The following C4orf50 variants were observed in gnomAD, a reference collection of about 807,000 sequenced individuals.
The protein encoded by C4orf50 is uncharacterized protein C4orf50.
In C4orf50, 80 loss-of-function variants were observed where a neutral mutation model predicts 77.2. The observed-to-expected ratio is 1.04, with a 90% confidence interval of 0.87 to 1.25. C4orf50 has a LOEUF of 1.25. C4orf50 is among the 50% of genes most tolerant of loss of function. C4orf50 has a pLI of 0.00. For synonymous variants in C4orf50, 532 were observed against 465.3 expected, an observed-to-expected ratio of 1.14 and a Z score of -1.84; for missense variants, 1,257 against 1,152.9, an observed-to-expected ratio of 1.09 and a Z score of -1.31.
intron 31 of C4orf50, 37 bp from the exon 10 acceptor site, chr4:5,967,499 G>C: frequency 6.3e-7 from 1 of 1,589,784 alleles, no homozygotes; most frequent in Non-Finnish European, 8.6e-7. Context: ...ATTCTGCATG[G>C]CACTGGAGAG....
Position 5,932,543 on chromosome 4 carries a change from C to T in C4orf50, c.*2474+24358G>A, listed in dbSNP as rs988116340. On this transcript the variant is annotated intron_variant, in intron 7 of 7. Transcript: ENST00000324058. This position sits in a 1 kb window ranked among gnomAD's most constrained non-coding sequence, Gnocchi z 4.2. ...CTCGACCTCCCAGGCTCAATTGATC[C>T]TCCCGCCTCAGCCTCCTGAGTAGCT... Among the ~76,000 whole-genome samples the T allele has an allele frequency of 1.3e-5, 2 of 152,214 alleles. No homozygotes were observed. Among genetic ancestry groups the T allele is most frequent in the South Asian group, 2.1e-4 (1 of 4,826 alleles).
At chr4:5,962,829 T>C (rs1156756650) in intron 33 of C4orf50, among the ~76,000 whole-genome samples, 1 of 152,218 alleles carries the variant, frequency 6.6e-6, no homozygotes, top group African/African-American at 2.4e-5. Flanking sequence ...GTTTCGCTGC[T>C]GTTGCTATCA....
chr4:6,013,213 A>C (rs182387590), intron 23 of C4orf50, among the ~76,000 whole-genome samples: 1 of 152,314 alleles, frequency 6.6e-6, no homozygotes, highest in East Asian at 1.9e-4. Context: ...CCCTGAGGAA[A>C]GGTCTCAAGG....
intron 7 of C4orf50, among the ~76,000 whole-genome samples, chr4:5,948,742 T>A (rs1317340222): frequency 6.7e-6 from 1 of 148,834 alleles, no homozygotes; most frequent in Non-Finnish European, 1.5e-5. Flanking sequence ...TGCAGTGAGC[T>A]GAGATTGTGC....
At chr4:5,910,960 C>G (rs1381995522) in intron 7 of C4orf50, among the ~76,000 whole-genome samples, 2 of 126,502 alleles carry the variant, frequency 1.6e-5, no homozygotes, top group Non-Finnish European at 1.6e-5. Context: ...GGCTGGAGTG[C>G]GGTGGTGTGA....
chr4:5,978,946 T>G (rs1720426436), intron 29 of C4orf50, among the ~76,000 whole-genome samples: 1 of 152,222 alleles, frequency 6.6e-6, no homozygotes, highest in African/African-American at 2.4e-5. Flanking sequence ...TATAACATGC[T>G]TTGATCTTAC....
At chr4:5,913,196 T>C (rs527523119) in intron 7 of C4orf50, among the ~76,000 whole-genome samples, 1 of 152,226 alleles carries the variant, frequency 6.6e-6, no homozygotes, top group Non-Finnish European at 1.5e-5. Context: ...AAAATGAGGA[T>C]GACAACGCCT....
chr4:6,013,473 A>G lies in C4orf50; in HGVS notation c.288-1505T>C, dbSNP rs1012009388. On this transcript the variant is annotated intron_variant, in intron 23 of 33. Transcript: ENST00000531445. ...TCTTAAACGGAGCAGAAAATGACGAATTTCACTTTGGCAGGGTGAATTTTG... is the reference window on the plus strand; with the variant it reads ...TCTTAAACGGAGCAGAAAATGACGAGTTTCACTTTGGCAGGGTGAATTTTG... 2.0e-5 allele frequency among the ~76,000 whole-genome samples: 3 copies of G among 152,338 alleles called. No individual in the cohort carries two copies. In the South Asian group the frequency reaches 6.2e-4, roughly 32 times the overall value.
exon 28 of C4orf50, chr4:5,988,401 G>A: frequency 6.2e-7 from 1 of 1,613,476 alleles, no homozygotes; most frequent in East Asian, 2.2e-5. Flanking sequence ...CAGAACACCT[G>A]GGCCTCTTCT....
At chr4:5,950,076 T>G (rs1207884881) in intron 7 of C4orf50, among the ~76,000 whole-genome samples, 1 of 152,080 alleles carries the variant, frequency 6.6e-6, no homozygotes, top group Non-Finnish European at 1.5e-5. Flanking sequence ...TTGTATAGGT[T>G]GGTGCTACTT....
intron 7 of C4orf50, among the ~76,000 whole-genome samples, chr4:5,945,137 T>C (rs942103304): frequency 1.3e-5 from 2 of 152,192 alleles, no homozygotes; most frequent in Non-Finnish European, 2.9e-5. Flanking sequence ...TTTGCGGCCC[T>C]TCCTGGGAGG....
intron 25 of C4orf50, among the ~76,000 whole-genome samples, chr4:6,003,568 A>G (rs892915606): frequency 2.0e-5 from 3 of 146,516 alleles, no homozygotes; most frequent in African/African-American, 5.1e-5. Flanking sequence ...GATGGTGATT[A>G]TGGTGATGAT....
rs186877864 is a variant in C4orf50 at position 5,923,580 on chromosome 4, C to T, written c.*2475-25392G>A. 4.0e-5 allele frequency among the ~76,000 whole-genome samples: 6 copies of T among 150,280 alleles called. No homozygotes were observed. The East Asian group carries it at 9.7e-4, about 24-fold the overall frequency. The stretch of plus-strand genomic sequence containing the variant: ...GAACCCACAGGGCTGGGCGAGGGAT[C>T]GGGGGTAGGGATGGAGGGGAGAAGG... On this transcript the variant is annotated intron_variant, in intron 7 of 7. Transcript: ENST00000324058.
At chr4:5,988,990 T>A (rs1488247185) in exon 28 of C4orf50, 1 of 1,536,088 alleles carries the variant, frequency 6.5e-7, no homozygotes, top group Non-Finnish European at 8.7e-7. Context: ...TTCATTTTCC[T>A]CTTCAAGCTC....
chr4:5,989,256 A>G, exon 28 of C4orf50: 2 of 1,535,956 alleles, frequency 1.3e-6, no homozygotes, highest in South Asian at 2.4e-5. Flanking sequence ...TCAATCCAGA[A>G]ATGAGCTGAT....
intron 7 of C4orf50, among the ~76,000 whole-genome samples, chr4:5,931,225 C>G (rs1184844320): frequency 6.6e-6 from 1 of 152,258 alleles, no homozygotes; most frequent in Admixed American, 6.5e-5. Context: ...CTGGTGTGTT[C>G]CCATGACCTC....
intron 7 of C4orf50, among the ~76,000 whole-genome samples, chr4:5,929,473 A>G (rs1464373883): frequency 1.3e-5 from 2 of 152,304 alleles, no homozygotes; most frequent in African/African-American, 4.8e-5. Flanking sequence ...TATGCTCAAT[A>G]TGAAATACGC....
At chr4:5,967,270 C>A in intron 32 of C4orf50, 144 bp downstream of exon 10, 1 of 688,510 alleles carries the variant, frequency 1.5e-6, no homozygotes, top group Non-Finnish European at 2.7e-6. Flanking sequence ...CATAGGAAAG[C>A]GGGAGGGAGA....
intron 7 of C4orf50, among the ~76,000 whole-genome samples, chr4:5,928,126 A>AT (rs1374060149): frequency 6.6e-6 from 1 of 152,190 alleles, no homozygotes; most frequent in Non-Finnish European, 1.5e-5. Flanking sequence ...TAAAGGGTAA[A>AT]TGTTCATAAT....
Sources: gnomAD v4.1 joint callset for allele counts (sites outside exome capture counted in the v4.1 genomes callset) on GRCh38, gnomAD v4.1.1 for gene constraint, Gnocchi (gnomAD v3.1) non-coding constraint, MANE v1.5 for transcripts, NCBI Gene and HGNC (gene_info 2026-07-23, HGNC 2026-07-21) for gene names.